The following PCDH7 variants were observed in gnomAD, a reference collection of about 807,000 sequenced individuals.
PCDH7 encodes the protein protocadherin 7, also known as protocadherin-7.
Under a neutral mutation model 58.9 loss-of-function variants are expected in PCDH7, and 17 were observed. That is an observed-to-expected ratio of 0.29 (90% CI 0.20 to 0.43). PCDH7 has a LOEUF of 0.43. PCDH7 is among the 20% of genes least tolerant of loss of function. The pLI is 1.00. For missense variants in PCDH7, 1,274 were observed against 1,441.0 expected (o/e 0.88, Z 1.88); for synonymous variants, 664 against 616.4 (o/e 1.08, Z -1.14).
At chr4:31,098,628 T>C (rs890840785) in intron 3 of PCDH7, among the ~76,000 whole-genome samples, 1 of 152,172 alleles carries the variant, frequency 6.6e-6, no homozygotes, top group Admixed American at 6.5e-5. Context: ...TTTGTAACTG[T>C]CAGATTGTAT....
chr4:31,074,587 A>G (rs1758815582), intron 3 of PCDH7, among the ~76,000 whole-genome samples: 1 of 151,308 alleles, frequency 6.6e-6, no homozygotes, highest in African/African-American at 2.5e-5. Flanking sequence ...GTTCCAGACC[A>G]ACTTGGCTAA....
chr4:30,755,178 C>T (rs1719122135), intron 1 of PCDH7, among the ~76,000 whole-genome samples: 1 of 152,102 alleles, frequency 6.6e-6, no homozygotes, highest in African/African-American at 2.4e-5. Context: ...GCGTGCCATC[C>T]TATAATATTA....
chr4:30,946,690 T>TGTGTG (rs1746724379), intron 2 of PCDH7, among the ~76,000 whole-genome samples: 2 of 137,554 alleles, frequency 1.5e-5, no homozygotes, highest in African/African-American at 2.8e-5. Flanking sequence ...CTTATCTCTT[T>TGTGTG]TGTGTGTGTG....
intron 3 of PCDH7, among the ~76,000 whole-genome samples, chr4:31,055,153 CT>C (rs1184156964): frequency 2.6e-4 from 40 of 152,230 alleles, no homozygotes; most frequent in Non-Finnish European, 4.4e-4. Context: ...TTCTCCTTAA[CT>C]GATATTTTTT....
Position 30,723,506 on chromosome 4 carries a change from A to C in PCDH7, c.2084A>C (p.Tyr695Ser). ...ATTGAAAATGACACGGGGACCATTT[A>C]CTCCACAATGTCTTTTGACCGGGAA... Residue 695 changes from tyrosine to serine, a missense_variant, in exon 1 of 2, where the codon TAC becomes TCC. Physicochemically the swap from Tyr to Ser is moderately radical, Grantham distance 144. This residue lies in a region of PCDH7 where 731 missense variants were observed against 881.9 expected (regional missense o/e 0.83). Coordinates refer to ENST00000361762, the Ensembl canonical transcript of PCDH7. The surrounding 1 kb of genome is among the most constrained non-coding windows in gnomAD (Gnocchi z 4.6). The C allele has an allele frequency of 6.2e-7, 1 of 1,614,100 alleles. No individual in the cohort carries two copies. The highest frequency in any genetic ancestry group is 8.5e-7 in the Non-Finnish European group (1 of 1,180,026).
At chr4:30,782,073 A>G (rs911191821) in intron 1 of PCDH7, among the ~76,000 whole-genome samples, 1 of 152,176 alleles carries the variant, frequency 6.6e-6, no homozygotes, top group African/African-American at 2.4e-5. Context: ...ATGTGTATGC[A>G]TCTATTTAAA....
rs371684144 is a variant in PCDH7, at chr4:30,800,880, T to C, written c.70+76284T>C. Among the ~76,000 whole-genome samples, 18 of 152,260 alleles carry C rather than the reference T, an allele frequency of 1.2e-4. No homozygotes were observed. In the East Asian group the frequency reaches 3.1e-3, roughly 26 times the overall value. Reference sequence around the variant, plus strand: ...GGGCTTTGACTTTTATGCCTAGGAGTTTGTATTTATCCTATAAACATTTGG... The same window carrying C: ...GGGCTTTGACTTTTATGCCTAGGAGCTTGTATTTATCCTATAAACATTTGG... On this transcript the variant is annotated intron_variant, in intron 1 of 3. Transcript: ENST00000509759.
chr4:30,915,627 G>T (rs1305597558), intron 1 of PCDH7, among the ~76,000 whole-genome samples: 1 of 151,952 alleles, frequency 6.6e-6, no homozygotes, highest in Non-Finnish European at 1.5e-5. Context: ...GGGTTCAAGC[G>T]ATTCTCCTGC....
intron 1 of PCDH7, among the ~76,000 whole-genome samples, chr4:30,856,240 T>C (rs949816389): frequency 1.3e-5 from 2 of 152,108 alleles, no homozygotes; most frequent in African/African-American, 4.8e-5. Flanking sequence ...TTTTTCTATC[T>C]TTGCTAAGTC....
chr4:31,105,367 T>C lies in PCDH7; in HGVS notation c.*8-37106T>C, dbSNP rs147216422. Among the ~76,000 whole-genome samples the C allele has an allele frequency of 9.2e-4, 140 of 152,268 alleles. 2 individuals carry two copies. The highest frequency in any genetic ancestry group is 3.2e-3 in the African/African-American group (134 of 41,554). Reference sequence around the variant, plus strand: ...AATGAATCACAAAAATCAAGGTTTTTTGATGCTAAATTCTGCCAGGGTATC... The same window carrying C: ...AATGAATCACAAAAATCAAGGTTTTCTGATGCTAAATTCTGCCAGGGTATC... On this transcript the variant is annotated intron_variant, in intron 3 of 3. Transcript: ENST00000509759.
intron 3 of PCDH7, among the ~76,000 whole-genome samples, chr4:31,014,355 T>C (rs1182111955): frequency 6.6e-6 from 1 of 152,214 alleles, no homozygotes; most frequent in Non-Finnish European, 1.5e-5. Context: ...TGAAAAGTCT[T>C]ATACCCATGT....
chr4:30,797,492 T>C (rs967071777), intron 1 of PCDH7, among the ~76,000 whole-genome samples: 2 of 151,916 alleles, frequency 1.3e-5, no homozygotes, highest in Non-Finnish European at 2.9e-5. Flanking sequence ...GCCAGGATGG[T>C]CTCGATTTCC....
intron 3 of PCDH7, among the ~76,000 whole-genome samples, chr4:30,975,586 C>T (rs565061268): frequency 6.6e-6 from 1 of 152,166 alleles, no homozygotes; most frequent in Non-Finnish European, 1.5e-5. Context: ...TGTAAAGCAA[C>T]ATGTTAGTAT....
At chr4:31,123,574 C>A (rs559191010) in intron 3 of PCDH7, among the ~76,000 whole-genome samples, 2 of 152,300 alleles carry the variant, frequency 1.3e-5, no homozygotes, top group South Asian at 4.1e-4. Flanking sequence ...TTGCCCATGA[C>A]CTCTGGAGCC....
intron 1 of PCDH7, among the ~76,000 whole-genome samples, chr4:30,793,462 G>A (rs571613625): frequency 6.6e-5 from 10 of 151,902 alleles, no homozygotes; most frequent in Admixed American, 4.6e-4. Flanking sequence ...CAGTTAATTA[G>A]CACTTTAATT....
intron 3 of PCDH7, among the ~76,000 whole-genome samples, chr4:30,988,723 A>G (rs565605068): frequency 3.9e-5 from 6 of 152,320 alleles, no homozygotes; most frequent in Non-Finnish European, 7.4e-5. Context: ...TGCAACATGA[A>G]CTGCTAATGC....
chr4:30,850,773 T>C (rs1732628399), intron 1 of PCDH7, among the ~76,000 whole-genome samples: 1 of 152,066 alleles, frequency 6.6e-6, no homozygotes, highest in Middle Eastern at 3.2e-3. Context: ...TTATTCCTAG[T>C]CCCCAGACCT....
intron 3 of PCDH7, among the ~76,000 whole-genome samples, chr4:31,132,495 T>A (rs1719115199): frequency 6.6e-6 from 1 of 152,218 alleles, no homozygotes. Context: ...ATAATAAACA[T>A]TTAGTTAATA....
intron 3 of PCDH7, among the ~76,000 whole-genome samples, chr4:31,126,680 T>A (rs555437880): frequency 1.3e-5 from 2 of 152,174 alleles, no homozygotes; most frequent in African/African-American, 2.4e-5. Flanking sequence ...CAGGGAAAGA[T>A]GACAAATTAG....
Sources: allele counts gnomAD v4.1 joint callset (sites outside exome capture counted in the v4.1 genomes callset), GRCh38; gene constraint gnomAD v4.1.1; regional missense constraint gnomAD v4.1.1; non-coding constraint Gnocchi (gnomAD v3.1); transcripts MANE v1.5; gene names NCBI Gene and HGNC (gene_info 2026-07-23, HGNC 2026-07-21).